The following CIB1 variants were observed in gnomAD, a reference collection of about 807,000 sequenced individuals.
The protein encoded by CIB1 is calcium and integrin binding 1.
Under a neutral mutation model 25.0 loss-of-function variants are expected in CIB1, and 19 were observed. The ratio of observed to expected loss-of-function variants is 0.76; its 90% CI spans 0.53 to 1.12. The LOEUF (loss-of-function observed/expected upper bound fraction) is 1.12, where lower values mean the gene tolerates loss of function less well. Among genes scored for constraint, CIB1 ranks in the 50% most tolerant of loss-of-function variants. The pLI is 0.00. For synonymous variants in CIB1, 104 were observed against 98.5 expected, an observed-to-expected ratio of 1.06 and a Z score of -0.33; for missense variants, 236 against 242.6, an observed-to-expected ratio of 0.97 and a Z score of 0.18.
the CIB1 span, chr15:90,259,153 TA>T: frequency 1.0e-6 from 1 of 969,900 alleles, no homozygotes; most frequent in African/African-American, 1.7e-5. Flanking sequence ...GCTTGAGCCC[TA>T]GAGTTCAACA....
chr15:90,237,057 C>A (rs1196844575), upstream of CIB1, among the ~76,000 whole-genome samples: 1 of 152,028 alleles, frequency 6.6e-6, no homozygotes. Flanking sequence ...CTCCCAGATT[C>A]AAGCGATTCT....
the CIB1 span, chr15:90,250,644 C>T: frequency 5.7e-5 from 92 of 1,613,664 alleles, no homozygotes; most frequent in Non-Finnish European, 7.8e-5. Flanking sequence ...GAGCCGAGTA[C>T]CTGTAGGACC....
chr15:90,234,130 G>A, upstream of CIB1: 1 of 382,692 alleles, frequency 2.6e-6, no homozygotes, highest in East Asian at 3.7e-5. Flanking sequence ...ACGCTCCGGG[G>A]CGGAGCCCGG....
intron 3 of CIB1, among the ~76,000 whole-genome samples, chr15:90,231,929 A>G (rs747731570): frequency 1.3e-5 from 2 of 152,252 alleles, no homozygotes; most frequent in Admixed American, 6.5e-5. Context: ...AGCCTCTAGA[A>G]CACGGTTCCT....
rs1127801 is a variant in CIB1, at chr15:90,232,282, G to A, written c.132C>T (p.Ser44=). The A allele has an allele frequency of 5.6e-6, 9 of 1,612,150 alleles. 1 individual carries two copies. The highest frequency in any genetic ancestry group is 3.3e-5 in the South Asian group (3 of 90,852). Residue 44 remains serine (S), a synonymous_variant, in exon 3 of 7, where the codon AGC becomes AGT. Transcript: ENST00000328649. ...CTTGTGCCCGAAGTGACGACTCCAC[G>A]CTCCGCTGCTCCTGGGGAAGCAGCT... is the stretch of plus-strand genomic sequence containing the variant. ...FCELLPQEQR[S]VESSLRAQVP... is the part of the protein sequence containing the mutation.
At chr15:90,262,046 C>G in the CIB1 span, 1 of 1,535,666 alleles carries the variant, frequency 6.5e-7, no homozygotes, top group Non-Finnish European at 8.7e-7. Flanking sequence ...AATGCTGGAC[C>G]AGGAACGATA....
chr15:90,233,168 C>G (rs11858746), intron 2 of CIB1, among the ~76,000 whole-genome samples: 5,502 of 152,328 alleles, frequency 0.036, 337 homozygotes, highest in African/African-American at 0.12. Context: ...AAGCAGTTAC[C>G]AAACCTTTCT....
At chr15:90,259,796 C>T in the CIB1 span, among the ~76,000 whole-genome samples, 3 of 152,326 alleles carry the variant, frequency 2.0e-5, no homozygotes, top group Admixed American at 1.3e-4. Context: ...CGTTTACATC[C>T]GTGTTGGTCA....
At chr15:90,247,110 A>G in the CIB1 span, among the ~76,000 whole-genome samples, 1,409 of 150,454 alleles carry the variant, frequency 9.4e-3, 43 homozygotes, top group African/African-American at 0.033. Flanking sequence ...TGAATAGCTG[A>G]GACTACAGGC....
chr15:90,246,224 G>A, the CIB1 span, among the ~76,000 whole-genome samples: 1 of 151,994 alleles, frequency 6.6e-6, no homozygotes, highest in Admixed American at 6.6e-5. Flanking sequence ...AGTGAGCCAA[G>A]ATCGTGCCAT....
chr15:90,236,778 C>T (rs552424690), upstream of CIB1, among the ~76,000 whole-genome samples: 315 of 151,830 alleles, frequency 2.1e-3, 2 homozygotes, highest in African/African-American at 7.2e-3. Flanking sequence ...TCTCTTGATC[C>T]GCCTCCCTCA....
chr15:90,236,729 G>C (rs1039776414), upstream of CIB1, among the ~76,000 whole-genome samples: 3 of 151,796 alleles, frequency 2.0e-5, no homozygotes, highest in Non-Finnish European at 2.9e-5. Context: ...GTAGAGACGG[G>C]GTTTCACCAT....
intron 2 of CIB1, among the ~76,000 whole-genome samples, chr15:90,233,448 T>C (rs112911935): frequency 4.6e-5 from 7 of 152,228 alleles, no homozygotes; most frequent in Admixed American, 1.3e-4. Flanking sequence ...TAACTTTTCC[T>C]GGAGGCTGTA....
chr15:90,253,463 T>G, the CIB1 span: 1 of 789,208 alleles, frequency 1.3e-6, no homozygotes. Context: ...CTACTCTTTG[T>G]GGCTGTCCCC....
the CIB1 span, chr15:90,257,320 A>T: frequency 8.2e-3 from 13,085 of 1,587,708 alleles, 948 homozygotes; most frequent in African/African-American, 0.15. Flanking sequence ...TCCACTGCCA[A>T]AAGTGCTGAG....
At chr15:90,265,119 C>T in the CIB1 span, 132 of 1,250,954 alleles carry the variant, frequency 1.1e-4, no homozygotes, top group Non-Finnish European at 1.3e-4. Flanking sequence ...TACAAAGACA[C>T]CAAGAATTCC....
At chr15:90,248,655 G>C in the CIB1 span, among the ~76,000 whole-genome samples, 2 of 132,796 alleles carry the variant, frequency 1.5e-5, no homozygotes. Context: ...GCTAAGTAAA[G>C]TTGCAGTGAG....
the CIB1 span, chr15:90,265,699 T>C: frequency 6.2e-7 from 1 of 1,613,182 alleles, no homozygotes; most frequent in Non-Finnish European, 8.5e-7. Flanking sequence ...TGCTGAAGGC[T>C]GGTTTGCGTC....
intron 2 of CIB1, among the ~76,000 whole-genome samples, chr15:90,233,371 C>T (rs780964038): frequency 8.5e-5 from 13 of 152,258 alleles, no homozygotes; most frequent in Non-Finnish European, 1.9e-4. Flanking sequence ...CAAGGTCGGC[C>T]CCTGCCGGAC....
Sources: allele counts gnomAD v4.1 joint callset (sites outside exome capture counted in the v4.1 genomes callset), GRCh38; gene constraint gnomAD v4.1.1; transcripts MANE v1.5; gene names NCBI Gene and HGNC (gene_info 2026-07-23, HGNC 2026-07-21).